Variants in GPHN observed in about 807,000 individuals in gnomAD.
GPHN encodes the protein gephyrin.
A neutral mutation model predicts 95.5 loss-of-function variants in GPHN; 17 were observed. The ratio of observed to expected loss-of-function variants is 0.18; its 90% CI spans 0.12 to 0.27. The LOEUF is 0.27. GPHN is among the 10% of genes least tolerant of loss of function. The pLI, the probability that GPHN is intolerant of heterozygous loss-of-function variation, is 1.00. For missense variants in GPHN, 660 were observed against 978.1 expected (o/e 0.67, Z 4.34); for synonymous variants, 320 against 322.5 (o/e 0.99, Z 0.08).
At chr14:67,493,953 GC>G in the GPHN span, among the ~76,000 whole-genome samples, 1 of 151,770 alleles carries the variant, frequency 6.6e-6, no homozygotes, top group Non-Finnish European at 1.5e-5. Flanking sequence ...TGTGACAGTT[GC>G]TGTCTGCTCT....
chr14:66,987,641 T>C (rs8005668), intron 9 of GPHN, among the ~76,000 whole-genome samples: 43,113 of 151,948 alleles, frequency 0.28, 10,765 homozygotes, highest in African/African-American at 0.65. Context: ...TTCTACAAAA[T>C]AGAAAATGTC....
At chr14:67,297,774 T>A in the GPHN span, among the ~76,000 whole-genome samples, 62 of 152,228 alleles carry the variant, frequency 4.1e-4, 1 homozygote, top group Admixed American at 4.1e-3. Flanking sequence ...CTTCCTTTCA[T>A]TGAATTCATT....
intron 17 of GPHN, among the ~76,000 whole-genome samples, chr14:67,130,248 T>G (rs2079616511): frequency 6.6e-6 from 1 of 152,128 alleles, no homozygotes; most frequent in Admixed American, 6.6e-5. Flanking sequence ...TAGTTAGGTT[T>G]TAGGCCCCTT....
At chr14:67,675,027 G>A in the GPHN span, among the ~76,000 whole-genome samples, 16 of 152,344 alleles carry the variant, frequency 1.1e-4, no homozygotes, top group African/African-American at 3.6e-4. Flanking sequence ...CCGATTTGAT[G>A]TATGTTTGCG....
chr14:67,225,960 T>TGTGTGTGTGTGTGC, the GPHN span, among the ~76,000 whole-genome samples: 3 of 119,806 alleles, frequency 2.5e-5, no homozygotes, highest in Middle Eastern at 8.3e-3. Context: ...TGTGTGTGTG[T>TGTGTGTGTGTGTGC]GTGCGCGCGC....
At chr14:66,761,196 T>C (rs1255634705) in intron 2 of GPHN, among the ~76,000 whole-genome samples, 2 of 152,218 alleles carry the variant, frequency 1.3e-5, no homozygotes, top group Non-Finnish European at 2.9e-5. Context: ...TGCATCTCAG[T>C]GCTAAATTTT....
At chr14:67,340,203 C>A in the GPHN span, 1 of 443,648 alleles carries the variant, frequency 2.3e-6, no homozygotes, top group African/African-American at 2.0e-5. Context: ...AAAATCAAAC[C>A]TAAACAGTTT....
chr14:67,617,252 T>G, the GPHN span: 1 of 152,254 alleles, frequency 6.6e-6, no homozygotes, highest in Non-Finnish European at 1.5e-5. Context: ...TCATGGCTCA[T>G]AGGCATGAGC....
chr14:66,713,600 G>T (rs1362840664), intron 2 of GPHN, among the ~76,000 whole-genome samples: 2 of 151,982 alleles, frequency 1.3e-5, no homozygotes, highest in Admixed American at 6.6e-5. Flanking sequence ...GCTTAGTCTT[G>T]CTTTGGCTAT....
At chr14:67,677,629 A>G in the GPHN span, 2 of 151,834 alleles carry the variant, frequency 1.3e-5, no homozygotes, top group African/African-American at 4.8e-5. Flanking sequence ...TTACCAACAT[A>G]TACAGAATCT....
chr14:66,558,951 T>C (rs1172192455), intron 1 of GPHN, among the ~76,000 whole-genome samples: 1 of 145,246 alleles, frequency 6.9e-6, no homozygotes, highest in East Asian at 2.2e-4. Context: ...TGTGTTCTCA[T>C]TGTTCAATTC....
In GPHN at chr14:67,129,121, CT is replaced by C. The variant is rs112551226; in HGVS notation, c.1748+6755del. Among the ~76,000 whole-genome samples the C allele has an allele frequency of 2.7e-3, 393 of 146,762 alleles. 3 individuals are homozygous for C. The highest frequency in any genetic ancestry group is 3.4e-3 in the Non-Finnish European group (224 of 66,196). ...GAGCCATCGTGCCCAGCCACTTCTA[CT>C]TTTTTTTTTTAATATTTCTGAAATA... On this transcript the variant is annotated intron_variant, in intron 17 of 22. Transcript: ENST00000478722.
rs569943449 is a variant in GPHN at position 67,100,964 on chromosome 14, G to T, written c.1293+53G>T. ...GAAGATTTCAGCTTCATGGACTTTG[G>T]GCATCTAATTCTAAATTTCTCCTAT... On this transcript the variant is annotated intron_variant, in intron 13 of 22. Coordinates refer to ENST00000478722, the MANE Select transcript of GPHN (RefSeq NM_020806.5). The T allele has an allele frequency of 2.5e-5, 26 of 1,046,974 alleles. No homozygotes were observed. In the South Asian group the frequency reaches 2.8e-4, roughly 11 times the overall value. 64.9% of individuals were successfully genotyped at this position (1,046,974 alleles called of 1,614,324 possible). A position where few individuals can be genotyped will look rare whatever the true frequency, so the allele number is the denominator to read the frequency against.
intron 4 of GPHN, among the ~76,000 whole-genome samples, chr14:66,837,292 T>C (rs1026665284): frequency 1.3e-5 from 2 of 151,358 alleles, no homozygotes; most frequent in Non-Finnish European, 2.9e-5. Context: ...ATGTCCTTTG[T>C]AGGGACATGG....
chr14:66,700,684 G>T (rs1214208286), intron 2 of GPHN, among the ~76,000 whole-genome samples: 1 of 152,074 alleles, frequency 6.6e-6, no homozygotes, highest in Admixed American at 6.6e-5. Flanking sequence ...CCAGCACCTT[G>T]GGGGCCGAGG....
At chr14:67,349,214 T>A in the GPHN span, 1 of 1,053,518 alleles carries the variant, frequency 9.5e-7, no homozygotes, top group Non-Finnish European at 1.4e-6. Context: ...ATGTCACAAT[T>A]AAGTATGTTT....
At chr14:66,523,169 A>G (rs977547694) in intron 1 of GPHN, among the ~76,000 whole-genome samples, 2 of 152,106 alleles carry the variant, frequency 1.3e-5, no homozygotes, top group African/African-American at 4.8e-5. Context: ...GACATTCATA[A>G]CAAGTGTAAA....
At chr14:67,425,972 T>C in the GPHN span, among the ~76,000 whole-genome samples, 25 of 151,870 alleles carry the variant, frequency 1.6e-4, no homozygotes, top group Admixed American at 3.3e-4. Context: ...CTGGAACTCC[T>C]GGGCTCAAGT....
At chr14:66,578,192 C>A (rs949199076) in intron 1 of GPHN, among the ~76,000 whole-genome samples, 4 of 150,960 alleles carry the variant, frequency 2.6e-5, no homozygotes, top group African/African-American at 9.7e-5. Context: ...CTATAGAGAG[C>A]TTCAACATAA....
Sources: allele counts gnomAD v4.1 joint callset (sites outside exome capture counted in the v4.1 genomes callset), GRCh38; gene constraint gnomAD v4.1.1; transcripts MANE v1.5; gene names NCBI Gene and HGNC (gene_info 2026-07-23, HGNC 2026-07-21).